MGAT5B: variants seen among roughly 807,000 people sequenced by gnomAD.
The protein encoded by MGAT5B is alpha-1,6-mannosylglycoprotein 6-beta-N-acetylglucosaminyltransferase B, also known as N-acetylglucosaminyl-transferase Vb.
Under a neutral mutation model 95.1 loss-of-function variants are expected in MGAT5B, and 54 were observed. That is an observed-to-expected ratio of 0.57 (90% confidence interval 0.46 to 0.71). The LOEUF is 0.71. Ranked by LOEUF, MGAT5B falls within the 30% of genes least tolerant of loss-of-function variation. The pLI is 0.00. For synonymous variants in MGAT5B, 464 were observed against 451.0 expected (o/e 1.03, Z -0.36); for missense variants, 935 against 1,088.6 (o/e 0.86, Z 1.99).
intron 3 of MGAT5B, among the ~76,000 whole-genome samples, chr17:76,897,456 G>A (rs1968104685): frequency 6.6e-6 from 1 of 152,148 alleles, no homozygotes; most frequent in Non-Finnish European, 1.5e-5. Flanking sequence ...TGCTCCTGGT[G>A]GATGCTGGCA....
In MGAT5B at chr17:76,889,874, G is replaced by A. The variant is rs1967803947; in HGVS notation, c.329+7576G>A. On this transcript the variant is annotated intron_variant, in intron 3 of 17. Coordinates refer to ENST00000569840, the MANE Select transcript of MGAT5B (RefSeq NM_001199172.2). The surrounding 1 kb of genome is among the most constrained non-coding windows in gnomAD (Gnocchi z 4.4). The stretch of plus-strand genomic sequence containing the variant: ...GTCCCAAGTTCCCAGTGCAGTCCCT[G>A]CCGGGCTGGGAGGGAGGTGGGACCC... Among the ~76,000 whole-genome samples the A allele has an allele frequency of 6.6e-6, 1 of 152,198 alleles. No homozygotes were observed. Among genetic ancestry groups the A allele is most frequent in the African/African-American group, 2.4e-5 (1 of 41,446 alleles).
At chr17:76,947,358 A>G (rs1970063376) in intron 16 of MGAT5B, among the ~76,000 whole-genome samples, 1 of 152,204 alleles carries the variant, frequency 6.6e-6, no homozygotes, top group African/African-American at 2.4e-5. Context: ...GGCCGTGGCC[A>G]GAACCCAGGA....
intron 11 of MGAT5B, 114 bp from the exon 12 acceptor site, chr17:76,933,178 C>A: frequency 1.5e-6 from 2 of 1,307,422 alleles, no homozygotes; most frequent in Non-Finnish European, 1.1e-6. Flanking sequence ...AGAACCCCAT[C>A]TTCAGGGTTG....
rs555402374 is a variant in MGAT5B at position 76,882,755 on chromosome 17, C to T, written c.329+457C>T. ...ACACAGAGCCTGGTTGACTCTGTCACCCAGGCTGGAGTGCAGTGGCACAGT... is the reference window on the plus strand; with the variant it reads ...ACACAGAGCCTGGTTGACTCTGTCATCCAGGCTGGAGTGCAGTGGCACAGT... On this transcript the variant is annotated intron_variant, in intron 3 of 17. Coordinates refer to ENST00000569840, the MANE Select transcript of MGAT5B (RefSeq NM_001199172.2). Among the ~76,000 whole-genome samples, 4 of 142,214 alleles carry T rather than the reference C, an allele frequency of 2.8e-5. No homozygotes were observed. In the South Asian group the frequency reaches 9.3e-4, roughly 33 times the overall value. 93.3% of individuals were successfully genotyped at this position (142,214 alleles called of 152,430 possible).
rs552181940 is a variant in MGAT5B at position 76,918,187 on chromosome 17, C to A, written c.1026-6779C>A. On this transcript the variant is annotated intron_variant, in intron 8 of 17. Transcript: ENST00000569840. This position sits in a 1 kb window ranked among gnomAD's most constrained non-coding sequence, Gnocchi z 5.1. ...TCAGTTTCCCTTTCGGAGGCTCCCCCCCAACAACTGCACGCCTTGTACCGC... is the reference window on the plus strand; with the variant it reads ...TCAGTTTCCCTTTCGGAGGCTCCCCACCAACAACTGCACGCCTTGTACCGC... 2.0e-5 allele frequency among the ~76,000 whole-genome samples: 3 copies of A among 152,230 alleles called. No individual in the cohort carries two copies. The South Asian group carries it at 6.2e-4, about 32-fold the overall frequency.
At position 76,904,364 on chromosome 17, in the gene MGAT5B, T is replaced by G; in HGVS notation, c.632T>G (p.Leu211Arg). The G allele has an allele frequency of 6.3e-7, 1 of 1,584,794 alleles. No individual in the cohort carries two copies. Among genetic ancestry groups the G allele is most frequent in the Non-Finnish European group, 8.6e-7 (1 of 1,165,600 alleles). ...LSEVEWFCPP[L>R]PWRNQTAAQR... is the part of the protein sequence containing the mutation. ...GAGGTCGAGTGGTTCTGCCCCCCGC[T>G]GCCCTGGAGGAACCAGACGGCTGCC... Residue 211 changes from leucine (L) to arginine (R), a missense_variant, in exon 6 of 18, where the codon CTG (leucine) becomes CGG (arginine). Around this residue, in one of 4 missense-constraint regions of MGAT5B, gnomAD observed 243 missense variants for 305.5 expected, o/e 0.80. Transcript: ENST00000569840.
Position 76,924,858 on chromosome 17 carries a change from C to T in MGAT5B, c.1026-108C>T, listed in dbSNP as rs1969247515. The stretch of plus-strand genomic sequence containing the variant: ...CTCACTTCCTTTCTGAGAGTCTGTG[C>T]TAAGCTCTCTGCACTTGTACAGTTC... On this transcript the variant is annotated intron_variant, in intron 8 of 17. Coordinates refer to ENST00000569840, the MANE Select transcript of MGAT5B (RefSeq NM_001199172.2). 7.2e-6 allele frequency: 10 copies of T among 1,384,344 alleles called. No individual in the cohort carries two copies. The South Asian group carries it at 1.2e-4, about 16-fold the overall frequency. The allele number at this position is 1,384,344 out of a possible 1,614,324, so 85.8% of individuals were successfully genotyped here.
intron 10 of MGAT5B, among the ~76,000 whole-genome samples, chr17:76,928,544 A>C (rs559764800): frequency 1.3e-5 from 2 of 152,096 alleles, no homozygotes; most frequent in East Asian, 3.9e-4. Context: ...GTCTCTACTA[A>C]AAATACAAAA....
rs896791488 is a variant in MGAT5B at position 76,916,912 on chromosome 17, C to T, written c.1026-8054C>T. Among the ~76,000 whole-genome samples the T allele has an allele frequency of 6.6e-6, 1 of 152,148 alleles. No individual in the cohort carries two copies. Among genetic ancestry groups the T allele is most frequent in the African/African-American group, 2.4e-5 (1 of 41,426 alleles). On this transcript the variant is annotated intron_variant, in intron 8 of 17. Transcript: ENST00000569840. This position sits in a 1 kb window ranked among gnomAD's most constrained non-coding sequence, Gnocchi z 5.3. ...GGAGCCACCCACGGGAAGGGTCAAA[C>T]TCAGGGGTTCCCGCCTCTTAGAAAC...
intron 10 of MGAT5B, among the ~76,000 whole-genome samples, chr17:76,931,384 A>T (rs1368401288): frequency 6.6e-6 from 1 of 152,252 alleles, no homozygotes; most frequent in East Asian, 1.9e-4. Flanking sequence ...GGCATGAGCC[A>T]CCACACCTGG....
chr17:76,891,770 C>G (rs907759459), intron 3 of MGAT5B, among the ~76,000 whole-genome samples: 1 of 152,202 alleles, frequency 6.6e-6, no homozygotes, highest in East Asian at 1.9e-4. Context: ...ATTGCTTACT[C>G]CTTCACGCAG....
At chr17:76,939,170 C>T (rs1969784571) in intron 13 of MGAT5B, among the ~76,000 whole-genome samples, 1 of 151,752 alleles carries the variant, frequency 6.6e-6, no homozygotes, top group East Asian at 1.9e-4. Flanking sequence ...GCCTTTGAGG[C>T]CAGCCCTGTG....
chr17:76,930,615 C>T lies in MGAT5B; in HGVS notation c.1292-2030C>T, dbSNP rs1045235896. Among the ~76,000 whole-genome samples the T allele has an allele frequency of 7.9e-5, 12 of 152,162 alleles. No homozygotes were observed. Among genetic ancestry groups the T allele is most frequent in the East Asian group, 1.9e-4 (1 of 5,196 alleles). ...GGTCTCATGTTCCTCTTAACCCCTC[C>T]GTGGCGGACAGAGCTTTAGCAGTCA... On this transcript the variant is annotated intron_variant, in intron 10 of 17. Transcript: ENST00000569840. This position sits in a 1 kb window ranked among gnomAD's most constrained non-coding sequence, Gnocchi z 4.1.
chr17:76,924,989 G>A lies in MGAT5B; in HGVS notation c.1049G>A (p.Arg350Gln), dbSNP rs140434997. 411 of 1,611,968 alleles carry A rather than the reference G, an allele frequency of 2.5e-4. 3 individuals are homozygous for A. The highest frequency in any genetic ancestry group is 1.7e-3 in the Middle Eastern group (10 of 6,054). Residue 350 changes from arginine to glutamine, a missense_variant, in exon 9 of 18, where the codon CGG (arginine) becomes CAG (glutamine). This residue lies in a region of MGAT5B where 243 missense variants were observed against 305.5 expected (regional missense o/e 0.80). Coordinates refer to ENST00000569840, the MANE Select transcript of MGAT5B (RefSeq NM_001199172.2). ...LQSNLGVPPGRGSCPLTMPLP... is the reference protein window; with the variant it reads ...LQSNLGVPPGQGSCPLTMPLP... ...AGTAACTTAGGGGTACCGCCAGGCC[G>A]GGGAAGCTGCCCGCTCACCATGCCC...
At chr17:76,872,594 C>T (rs1186053964) in intron 1 of MGAT5B, 7 of 1,400,094 alleles carry the variant, frequency 5.0e-6, no homozygotes, top group Admixed American at 5.6e-5. Flanking sequence ...AGCCCGCCTG[C>T]CTCATGCCTA....
At chr17:76,887,509 CCCTCCCTCCCTCCCTCCCTCCCTT>C (rs1568168998) in intron 3 of MGAT5B, among the ~76,000 whole-genome samples, 8 of 61,638 alleles carry the variant, frequency 1.3e-4, no homozygotes, top group African/African-American at 1.1e-3. Context: ...CTCTCTCCCT[CCCTCCCTCCCTCCCTCCCTCCCTT>C]CCTTCCTTCC....
chr17:76,905,370 G>A lies in MGAT5B; in HGVS notation c.855+37G>A. 1 of 1,528,738 alleles carries A rather than the reference G, an allele frequency of 6.5e-7. No homozygotes were observed. Among genetic ancestry groups the A allele is most frequent in the Non-Finnish European group, 8.8e-7 (1 of 1,134,046 alleles). The allele number at this position is 1,528,738 out of a possible 1,614,324, so 94.7% of individuals were successfully genotyped here. A position where few individuals can be genotyped will look rare whatever the true frequency, so the allele number is the denominator to read the frequency against. On this transcript the variant is annotated intron_variant, in intron 7 of 17. Coordinates refer to ENST00000569840, the MANE Select transcript of MGAT5B (RefSeq NM_001199172.2). This position sits in a 1 kb window ranked among gnomAD's most constrained non-coding sequence, Gnocchi z 4.2. The stretch of plus-strand genomic sequence containing the variant: ...CTGCCCCCTCATGTGCAGGAGCTGA[G>A]AAAGCTCAGGGCCCCCACTTCTGAG...
rs1968847916 is a variant in MGAT5B at position 76,914,220 on chromosome 17, C to T, written c.1025+8033C>T. The T allele has an allele frequency of 5.3e-6, 1 of 189,440 alleles. No individual in the cohort carries two copies. Among genetic ancestry groups the T allele is most frequent in the Admixed American group, 5.4e-5 (1 of 18,402 alleles). The allele number at this position is 189,440 out of a possible 1,614,324, so 11.7% of individuals were successfully genotyped here. A position where few individuals can be genotyped will look rare whatever the true frequency, so the allele number is the denominator to read the frequency against. The stretch of plus-strand genomic sequence containing the variant: ...TGACTTTGGAAAGAGCATTGTGGTG[C>T]AGTCGTGGGGACAAAGGTCCTAAAC... On this transcript the variant is annotated intron_variant, in intron 8 of 17. Coordinates refer to ENST00000569840, the MANE Select transcript of MGAT5B (RefSeq NM_001199172.2). The surrounding 1 kb of genome is among the most constrained non-coding windows in gnomAD (Gnocchi z 5.1).
chr17:76,904,548 C>T (rs745464), intron 6 of MGAT5B, 126 bp downstream of exon 6: 111,039 of 1,111,972 alleles, frequency 0.1, 6,890 homozygotes, highest in Admixed American at 0.25. Context: ...TGGGCAGGTC[C>T]GAGCCCACCC....
Sources: allele counts gnomAD v4.1 joint callset (sites outside exome capture counted in the v4.1 genomes callset), GRCh38; gene constraint gnomAD v4.1.1; regional missense constraint gnomAD v4.1.1; non-coding constraint Gnocchi (gnomAD v3.1); transcripts MANE v1.5; gene names NCBI Gene and HGNC (gene_info 2026-07-23, HGNC 2026-07-21).